Variants in BEND7 observed in about 807,000 individuals in gnomAD.
The protein encoded by BEND7 is BEN domain containing 7, also known as BEN domain-containing protein 7.
BEND7 carries 28 observed loss-of-function variants against 50.9 expected under a neutral mutation model. The ratio of observed to expected loss-of-function variants is 0.55; its 90% CI spans 0.41 to 0.75. The LOEUF (loss-of-function observed/expected upper bound fraction) is 0.75. Ranked by LOEUF, BEND7 falls within the 30% of genes least tolerant of loss-of-function variation. The pLI, the probability that BEND7 is intolerant of heterozygous loss-of-function variation, is 0.00. For synonymous variants in BEND7, 170 were observed against 183.9 expected, an observed-to-expected ratio of 0.92 and a Z score of 0.61; for missense variants, 477 against 491.3, an observed-to-expected ratio of 0.97 and a Z score of 0.28.
chr10:13,439,223 C>A (rs149335647), downstream of BEND7: 37 of 1,613,956 alleles, frequency 2.3e-5, no homozygotes, highest in African/African-American at 3.7e-4. Context: ...CTGAGCCTGG[C>A]GTGGGAAAGT....
At chr10:13,522,581 T>C (rs1296910188) in intron 2 of BEND7, among the ~76,000 whole-genome samples, 13 of 152,212 alleles carry the variant, frequency 8.5e-5, no homozygotes, top group Admixed American at 8.5e-4. Flanking sequence ...ATGATGCTTA[T>C]TGGCGGCTCC....
At chr10:13,517,434 A>G (rs1312702503) in intron 2 of BEND7, among the ~76,000 whole-genome samples, 1 of 152,160 alleles carries the variant, frequency 6.6e-6, no homozygotes, top group Non-Finnish European at 1.5e-5. Context: ...GCAGGGTCTC[A>G]GCTGTCATGC....
chr10:13,500,256 C>A (rs1196221927), intron 2 of BEND7, among the ~76,000 whole-genome samples, 176 bp from the exon 3 acceptor site: 1 of 152,200 alleles, frequency 6.6e-6, no homozygotes, highest in African/African-American at 2.4e-5. Context: ...TCTGAAAAAA[C>A]CCATCCTATT....
At chr10:13,449,786 A>C (rs996986150) in intron 7 of BEND7, among the ~76,000 whole-genome samples, 2 of 152,226 alleles carry the variant, frequency 1.3e-5, no homozygotes, top group East Asian at 3.8e-4. Flanking sequence ...TAACCAAAAA[A>C]ATATATAGAT....
intron 2 of BEND7, chr10:13,500,709 A>G: frequency 1.0e-6 from 1 of 985,600 alleles, no homozygotes; most frequent in Non-Finnish European, 1.2e-6. Context: ...GGAGACAGAG[A>G]GGCGCCGAGT....
downstream of BEND7, chr10:13,439,093 T>C (rs1353583603): frequency 1.6e-5 from 22 of 1,360,566 alleles, no homozygotes; most frequent in East Asian, 5.0e-5. Flanking sequence ...GCCTGAAATC[T>C]TAACAGCCTG....
At chr10:13,528,079 CG>C (rs886527376) in intron 1 of BEND7, among the ~76,000 whole-genome samples, 1 of 152,030 alleles carries the variant, frequency 6.6e-6, no homozygotes, top group African/African-American at 2.4e-5. Context: ...CTTCTCTTGG[CG>C]GGGGGAAGGG....
downstream of BEND7, among the ~76,000 whole-genome samples, chr10:13,439,926 GTCTTTTC>G (rs1277608993): frequency 6.6e-6 from 1 of 152,210 alleles, no homozygotes; most frequent in Non-Finnish European, 1.5e-5. Flanking sequence ...CCTCTCGCCC[GTCTTTTC>G]TCTTTTATCC....
intron 6 of BEND7, among the ~76,000 whole-genome samples, chr10:13,458,917 TTA>T (rs1839612196): frequency 6.6e-6 from 1 of 152,168 alleles, no homozygotes; most frequent in East Asian, 1.9e-4. Flanking sequence ...GCGAGGCAGT[TTA>T]TACACATCTC....
intron 2 of BEND7, among the ~76,000 whole-genome samples, chr10:13,521,056 C>G (rs1250175532): frequency 6.6e-6 from 1 of 152,150 alleles, no homozygotes; most frequent in African/African-American, 2.4e-5. Context: ...CTGTCTAGAC[C>G]AGGAGTTTTA....
intron 6 of BEND7, among the ~76,000 whole-genome samples, chr10:13,479,131 C>G (rs910074427): frequency 2.0e-5 from 3 of 151,860 alleles, no homozygotes; most frequent in Non-Finnish European, 4.4e-5. Context: ...CTCAGCCTCC[C>G]AAGTAGCTGG....
chr10:13,480,248 G>A (rs1027098278), intron 6 of BEND7, among the ~76,000 whole-genome samples: 1 of 152,218 alleles, frequency 6.6e-6, no homozygotes, highest in Non-Finnish European at 1.5e-5. Flanking sequence ...ATGCAGAGGT[G>A]CTCCCACGTG....
chr10:13,511,488 C>T (rs1422863753), intron 2 of BEND7, among the ~76,000 whole-genome samples: 1 of 152,054 alleles, frequency 6.6e-6, no homozygotes, highest in East Asian at 1.9e-4. Flanking sequence ...TAGCTGTGGA[C>T]CTGAAAACAT....
At chr10:13,525,099 C>G (rs1466835385) in intron 2 of BEND7, among the ~76,000 whole-genome samples, 1 of 152,182 alleles carries the variant, frequency 6.6e-6, no homozygotes, top group East Asian at 1.9e-4. Context: ...CGTTCTCGCT[C>G]TGACCTCTCT....
At chr10:13,452,788 G>T in intron 6 of BEND7, 130 bp from the exon 7 acceptor site, 1 of 754,488 alleles carries the variant, frequency 1.3e-6, no homozygotes, top group Non-Finnish European at 2.0e-6. Flanking sequence ...ATATGTCTTC[G>T]GTATCTGTAT....
chr10:13,516,334 G>A (rs528283978), intron 2 of BEND7, among the ~76,000 whole-genome samples: 8 of 152,198 alleles, frequency 5.3e-5, no homozygotes, highest in Non-Finnish European at 8.8e-5. Context: ...GTGAGTCTGC[G>A]AGGCCCGGGG....
At chr10:13,478,796 G>T (rs560998675) in intron 6 of BEND7, among the ~76,000 whole-genome samples, 29 of 152,180 alleles carry the variant, frequency 1.9e-4, no homozygotes, top group Admixed American at 4.6e-4. Flanking sequence ...GTTGTTGGTG[G>T]CTTATGGGAT....
At position 13,499,974 on chromosome 10, in the gene BEND7, T is replaced by C. The variant is rs1362804437; in HGVS notation, c.252A>G (p.Leu84=). 2 of 1,614,118 alleles carry C rather than the reference T, an allele frequency of 1.2e-6. No individual in the cohort carries two copies. Among genetic ancestry groups the C allele is most frequent in the Non-Finnish European group, 1.7e-6 (2 of 1,180,044 alleles). The part of the protein sequence containing the change: ...YQRVGKEGEK[L]KEEPQDLDLV... Reference sequence around the variant, plus strand: ...AATCCAGGTCCTGGGGCTCTTCTTTTAGTTTCTCTCCTTCTTTGCCAACTC... The same window carrying C: ...AATCCAGGTCCTGGGGCTCTTCTTTCAGTTTCTCTCCTTCTTTGCCAACTC... Residue 84 remains leucine (L), a synonymous_variant, in exon 3 of 9, where the codon CTA becomes CTG. Coordinates refer to ENST00000466271, the MANE Select transcript of BEND7 (RefSeq NM_001369863.1).
At chr10:13,489,448 C>G (rs1319112717) in intron 5 of BEND7, among the ~76,000 whole-genome samples, 1 of 152,152 alleles carries the variant, frequency 6.6e-6, no homozygotes, top group African/African-American at 2.4e-5. Context: ...AGATGACAGA[C>G]CTGGGTTGCG....
Sources: allele counts gnomAD v4.1 joint callset (sites outside exome capture counted in the v4.1 genomes callset), GRCh38; gene constraint gnomAD v4.1.1; transcripts MANE v1.5; gene names NCBI Gene and HGNC (gene_info 2026-07-23, HGNC 2026-07-21).